Variants in PARD3 observed in about 807,000 individuals in gnomAD.
The protein encoded by PARD3 is par-3 family cell polarity regulator.
A neutral mutation model predicts 155.4 loss-of-function variants in PARD3; 75 were observed. The ratio of observed to expected loss-of-function variants is 0.48; its 90% confidence interval spans 0.40 to 0.58. The LOEUF (loss-of-function observed/expected upper bound fraction) is 0.58. Ranked by LOEUF, PARD3 falls within the 20% of genes least tolerant of loss-of-function variation. The pLI, the probability that PARD3 is intolerant of heterozygous loss-of-function variation, is 0.00. For missense variants in PARD3, 1,642 were observed against 1,721.7 expected (o/e 0.95, Z 0.82); for synonymous variants, 576 against 610.5 (o/e 0.94, Z 0.83).
chr10:34,297,097 A>T (rs1956945208), intron 20 of PARD3, among the ~76,000 whole-genome samples: 2 of 152,138 alleles, frequency 1.3e-5, no homozygotes, highest in Non-Finnish European at 2.9e-5. Context: ...TGAGCCCAGA[A>T]GTTCAAGACC....
At chr10:34,350,142 C>A (rs1009118182) in intron 14 of PARD3, among the ~76,000 whole-genome samples, 2 of 152,078 alleles carry the variant, frequency 1.3e-5, no homozygotes, top group African/African-American at 4.8e-5. Context: ...TTTAAAAAAA[C>A]TGATTGGGGT....
intron 10 of PARD3, among the ~76,000 whole-genome samples, chr10:34,375,610 A>AT (rs1439023840): frequency 6.6e-6 from 1 of 152,176 alleles, no homozygotes; most frequent in Non-Finnish European, 1.5e-5. Flanking sequence ...CAGGAAAAAA[A>AT]TTTAAAACAA....
intron 2 of PARD3, among the ~76,000 whole-genome samples, chr10:34,632,197 T>G (rs758907910): frequency 2.5e-4 from 38 of 152,186 alleles, no homozygotes; most frequent in Admixed American, 2.4e-3. Context: ...AGGCGGAGAT[T>G]GCAGTGAGCC....
At chr10:34,445,282 T>C (rs1347112391) in intron 5 of PARD3, among the ~76,000 whole-genome samples, 2 of 152,200 alleles carry the variant, frequency 1.3e-5, no homozygotes, top group East Asian at 3.9e-4. Context: ...CTAAGATTCC[T>C]CTTCTGCACA....
At chr10:34,578,347 C>T (rs77860730) in intron 2 of PARD3, among the ~76,000 whole-genome samples, 3,715 of 152,234 alleles carry the variant, frequency 0.024, 142 homozygotes, top group African/African-American at 0.085. Context: ...TATCCTACTG[C>T]TCAAAGTCAT....
At position 34,343,102 on chromosome 10, in the gene PARD3, C is replaced by G. The variant is rs115804753; in HGVS notation, c.2219-1286G>C. ...TCATTCATCAATAAGGTGGGACTTT[C>G]TAGCACTATTAGCCAAGAAATATTT... On this transcript the variant is annotated intron_variant, in intron 15 of 24. Coordinates refer to ENST00000374788, the MANE Select transcript of PARD3 (RefSeq NM_001184785.2). 1.6e-3 allele frequency: 257 copies of G among 157,850 alleles called. 1 individual carries two copies. The highest frequency in any genetic ancestry group is 5.6e-3 in the African/African-American group (233 of 41,646). The allele number at this position is 157,850 out of a possible 1,614,324, so 9.8% of individuals were successfully genotyped here.
In PARD3 at chr10:34,809,990, A is replaced by G. The variant is rs78958026; in HGVS notation, c.120+4886T>C. 4.7e-3 allele frequency among the ~76,000 whole-genome samples: 704 copies of G among 148,592 alleles called. 17 individuals are homozygous for G. The East Asian group carries it at 0.064, about 13-fold the overall frequency. ...CACAGAAAAATTCCATACCAACCAC[A>G]AGATTTTTCATAAAAACCATGACTG... On this transcript the variant is annotated intron_variant, in intron 1 of 24. Transcript: ENST00000374788.
chr10:34,381,912 C>CAAAAAAAAAAAAAAA (rs202053812), intron 9 of PARD3, among the ~76,000 whole-genome samples: 106 of 71,820 alleles, frequency 1.5e-3, no homozygotes, highest in African/African-American at 2.5e-3. Flanking sequence ...GGCCCTGTCT[C>CAAAAAAAAAAAAAAA]AAAAAAAAAA....
At chr10:34,673,918 G>A (rs1330895713) in intron 2 of PARD3, among the ~76,000 whole-genome samples, 2 of 151,522 alleles carry the variant, frequency 1.3e-5, no homozygotes, top group Non-Finnish European at 2.9e-5. Context: ...CCGGGAGGGA[G>A]AGGCTGCAGT....
intron 1 of PARD3, among the ~76,000 whole-genome samples, chr10:34,758,749 T>TA: frequency 6.6e-6 from 1 of 152,294 alleles, no homozygotes; most frequent in Non-Finnish European, 1.5e-5. Context: ...AGCTCCTACC[T>TA]AAAATGCAAG....
At chr10:34,634,693 C>T (rs1294896848) in intron 2 of PARD3, among the ~76,000 whole-genome samples, 2 of 152,320 alleles carry the variant, frequency 1.3e-5, no homozygotes, top group East Asian at 3.9e-4. Context: ...TCAAATGAAA[C>T]ATGGAGACAG....
At chr10:34,461,661 A>AT (rs1229738485) in intron 4 of PARD3, among the ~76,000 whole-genome samples, 1 of 152,106 alleles carries the variant, frequency 6.6e-6, no homozygotes, top group Admixed American at 6.6e-5. Context: ...AGATTAAAAT[A>AT]TTTTTTCAAT....
At chr10:34,239,572 C>T (rs377006599) in intron 22 of PARD3, among the ~76,000 whole-genome samples, 20 of 151,964 alleles carry the variant, frequency 1.3e-4, no homozygotes, top group Admixed American at 3.9e-4. Flanking sequence ...GAGGCCGAGG[C>T]GGGTGGATCA....
At chr10:34,521,670 A>G (rs894934408) in intron 2 of PARD3, among the ~76,000 whole-genome samples, 6 of 152,178 alleles carry the variant, frequency 3.9e-5, no homozygotes, top group African/African-American at 1.4e-4. Context: ...AACTCTAAAC[A>G]TTGTCACCCA....
Position 34,284,976 on chromosome 10 carries a change from A to G in PARD3, c.3066-731T>C, listed in dbSNP as rs371077287. Among the ~76,000 whole-genome samples the G allele has an allele frequency of 4.0e-4, 61 of 152,310 alleles. 1 individual carries two copies. The East Asian group carries it at 8.1e-3, about 20-fold the overall frequency. ...TGGGTGCTGAGCTCTTTAAGAAAAC[A>G]CTAACATTATTCTCTTCTGGCATCC... is the stretch of plus-strand genomic sequence containing the variant. On this transcript the variant is annotated intron_variant, in intron 20 of 24. Transcript: ENST00000374788.
chr10:34,432,953 G>A (rs918042406), intron 5 of PARD3, among the ~76,000 whole-genome samples: 1 of 152,132 alleles, frequency 6.6e-6, no homozygotes, highest in Non-Finnish European at 1.5e-5. Context: ...TGTCAGAGGA[G>A]TGAAGAGGAA....
chr10:34,764,555 C>T (rs1166461396), intron 1 of PARD3, among the ~76,000 whole-genome samples: 1 of 152,056 alleles, frequency 6.6e-6, no homozygotes, highest in African/African-American at 2.4e-5. Context: ...ACAAGACCGG[C>T]CATGTGTCTG....
chr10:34,351,961 T>C (rs1162787985), intron 14 of PARD3, among the ~76,000 whole-genome samples: 1 of 152,218 alleles, frequency 6.6e-6, no homozygotes, highest in Non-Finnish European at 1.5e-5. Flanking sequence ...CTAATATACC[T>C]TTCTCATTCT....
At chr10:34,621,481 C>T (rs1248882513) in intron 2 of PARD3, among the ~76,000 whole-genome samples, 2 of 152,126 alleles carry the variant, frequency 1.3e-5, no homozygotes, top group African/African-American at 2.4e-5. Flanking sequence ...TACAGGCAAG[C>T]CACCGCGCCC....
Sources: gnomAD v4.1 joint callset for allele counts (sites outside exome capture counted in the v4.1 genomes callset) on GRCh38, gnomAD v4.1.1 for gene constraint, MANE v1.5 for transcripts, NCBI Gene and HGNC (gene_info 2026-07-23, HGNC 2026-07-21) for gene names.